Variants in KIAA0753 observed in about 807,000 individuals in gnomAD.
KIAA0753 encodes the protein protein moonraker.
In KIAA0753, 114 loss-of-function variants were observed where a neutral mutation model predicts 116.9. The ratio of observed to expected loss-of-function variants is 0.98; its 90% CI spans 0.84 to 1.14. KIAA0753 has a LOEUF of 1.14. KIAA0753 is among the 50% of genes most tolerant of loss of function. KIAA0753 has a pLI of 0.00. For missense variants in KIAA0753, 1,156 were observed against 1,172.4 expected, an observed-to-expected ratio of 0.99 and a Z score of 0.20; for synonymous variants, 405 against 413.1, an observed-to-expected ratio of 0.98 and a Z score of 0.24.
chr17:6,619,017 T>A (rs1971118506), intron 7 of KIAA0753, among the ~76,000 whole-genome samples: 1 of 152,056 alleles, frequency 6.6e-6, no homozygotes, highest in African/African-American at 2.4e-5. Context: ...TCACTTGAGG[T>A]CAGGAGTTCA....
intron 18 of KIAA0753, among the ~76,000 whole-genome samples, chr17:6,582,227 C>T (rs1444832333): frequency 6.6e-6 from 1 of 152,158 alleles, no homozygotes; most frequent in East Asian, 1.9e-4. Context: ...AAGAAACCTA[C>T]AAACTAGAAT....
Position 6,579,694 on chromosome 17 carries a change from G to C in KIAA0753, c.*53C>G, listed in dbSNP as rs1044861455. 7 of 1,261,776 alleles carry C rather than the reference G, an allele frequency of 5.5e-6. No individual in the cohort carries two copies. The highest frequency in any genetic ancestry group is 8.1e-6 in the Non-Finnish European group (7 of 864,518). 78.2% of individuals were successfully genotyped at this position (1,261,776 alleles called of 1,614,324 possible). ...AATTTCCTGTGGGCCAAAACAAAGG[G>C]TGGTGCCATCCCTTCTCCAGTGTGA... On this transcript the variant is annotated 3_prime_UTR_variant, in exon 19 of 19. Transcript: ENST00000361413.
rs199627553 is a variant in KIAA0753, at chr17:6,589,800, T to C, written c.2765A>G (p.Asn922Ser). The change falls in exon 18 of 19, where the codon AAC (asparagine) becomes AGC (serine). Residue 922 changes from asparagine (N) to serine (S), a missense_variant. Coordinates refer to ENST00000361413, the MANE Select transcript of KIAA0753 (RefSeq NM_014804.3). ...IISHEAVGSF[N>S]PWLIAESFSE... ...TGACCTTTCAGCTATCAGCCACGGG[T>C]TGAAGGAGCCTACAGCCTCATGAGA... is the stretch of plus-strand genomic sequence containing the variant. 5.3e-5 allele frequency: 85 copies of C among 1,610,488 alleles called. No individual in the cohort carries two copies. In the African/African-American group the frequency reaches 7.2e-4, roughly 14 times the overall value.
At chr17:6,609,490 C>T (rs986293059) in intron 9 of KIAA0753, among the ~76,000 whole-genome samples, 1 of 152,176 alleles carries the variant, frequency 6.6e-6, no homozygotes, top group African/African-American at 2.4e-5. Context: ...CAACATTATC[C>T]TAATTGCTCC....
intron 12 of KIAA0753, among the ~76,000 whole-genome samples, chr17:6,603,183 C>T (rs530696862): frequency 6.6e-6 from 1 of 151,884 alleles, no homozygotes; most frequent in South Asian, 2.1e-4. Context: ...TAGGAAAAAA[C>T]AGATAAGAAA....
chr17:6,616,272 T>C (rs1215851052), intron 7 of KIAA0753, among the ~76,000 whole-genome samples: 1 of 152,220 alleles, frequency 6.6e-6, no homozygotes, highest in Non-Finnish European at 1.5e-5. Flanking sequence ...TCCCCATAAA[T>C]ACATTTTCCA....
intron 15 of KIAA0753, among the ~76,000 whole-genome samples, chr17:6,595,819 A>T (rs1156234359): frequency 6.6e-6 from 1 of 152,228 alleles, no homozygotes; most frequent in East Asian, 1.9e-4. Flanking sequence ...AAGCTGACAG[A>T]TGCAAAAGCC....
At chr17:6,636,498 C>CTA (rs1203313156) in intron 1 of KIAA0753, 1 of 152,164 alleles carries the variant, frequency 6.6e-6, no homozygotes, top group East Asian at 1.9e-4. Context: ...TCAAGTGATG[C>CTA]TACACACACA....
At chr17:6,595,795 T>A (rs1969425497) in intron 15 of KIAA0753, among the ~76,000 whole-genome samples, 1 of 152,198 alleles carries the variant, frequency 6.6e-6, no homozygotes, top group Non-Finnish European at 1.5e-5. Context: ...AGGAGGCAAC[T>A]GAACAGTACG....
chr17:6,615,466 TTAA>T (rs1158107357), intron 7 of KIAA0753, among the ~76,000 whole-genome samples: 1 of 151,976 alleles, frequency 6.6e-6, no homozygotes, highest in Non-Finnish European at 1.5e-5. Flanking sequence ...AGTGCTCCAC[TTAA>T]TAAGGCATGT....
At chr17:6,597,159 T>TA (rs1472285868) in intron 14 of KIAA0753, among the ~76,000 whole-genome samples, 1 of 152,192 alleles carries the variant, frequency 6.6e-6, no homozygotes, top group Non-Finnish European at 1.5e-5. Context: ...CTGAGACACT[T>TA]AGCATAGTGC....
intron 1 of KIAA0753, chr17:6,637,442 C>T (rs1431070840): frequency 6.6e-6 from 1 of 152,438 alleles, no homozygotes. Flanking sequence ...TCCCCAGAGC[C>T]CGTATCCCCT....
At chr17:6,583,812 T>C (rs1968373649) in intron 18 of KIAA0753, among the ~76,000 whole-genome samples, 1 of 152,250 alleles carries the variant, frequency 6.6e-6, no homozygotes, top group South Asian at 2.1e-4. Context: ...AATGTTTGTA[T>C]CTGCCGTAGG....
intron 16 of KIAA0753, among the ~76,000 whole-genome samples, chr17:6,592,819 C>G (rs1406438864): frequency 6.6e-6 from 1 of 151,870 alleles, no homozygotes; most frequent in East Asian, 1.9e-4. Context: ...TAGACTTTAT[C>G]AAAATTAAAA....
At chr17:6,610,682 G>C (rs1970483265) in intron 8 of KIAA0753, among the ~76,000 whole-genome samples, 1 of 151,444 alleles carries the variant, frequency 6.6e-6, no homozygotes, top group Non-Finnish European at 1.5e-5. Context: ...TACCATGCCT[G>C]GCTAATTTTT....
rs913729939 is a variant in KIAA0753, at chr17:6,609,994, C to A, written c.1712G>T (p.Cys571Phe). ...NPTSPPASPK[C>F]AAWLKVKTSP... ...AACGGTCCCTTGAGTTTTCACATAC[C>A]ATTTAGGAGACGCTGGTGGGGATGT... Residue 571 changes from cysteine to phenylalanine, a missense_variant and splice_region_variant, in exon 9 of 19, where the codon TGT becomes TTT. Coordinates refer to ENST00000361413, the MANE Select transcript of KIAA0753 (RefSeq NM_014804.3). 6.8e-6 allele frequency: 11 copies of A among 1,613,792 alleles called. No homozygotes were observed. Among genetic ancestry groups the A allele is most frequent in the Non-Finnish European group, 9.3e-6 (11 of 1,179,894 alleles).
At chr17:6,584,601 T>C (rs900256386) in intron 18 of KIAA0753, among the ~76,000 whole-genome samples, 1 of 152,170 alleles carries the variant, frequency 6.6e-6, no homozygotes, top group South Asian at 2.1e-4. Flanking sequence ...TTTCCCCTTG[T>C]GGAACCATCC....
intron 7 of KIAA0753, among the ~76,000 whole-genome samples, chr17:6,614,748 G>A: frequency 6.6e-6 from 1 of 152,248 alleles, no homozygotes; most frequent in South Asian, 2.1e-4. Context: ...CTCCTCATCA[G>A]CCCTGGGTCC....
chr17:6,599,316 ACT>A lies in KIAA0753; in HGVS notation c.2091_2092del (p.Arg697SerfsTer32). Reference sequence around the variant, plus strand: ...AATATTTGCTTCTGTAGTAGAATTGACTCTCTATTAAAACAGACAAATACATT... The same window carrying A: ...AATATTTGCTTCTGTAGTAGAATTGACTCTATTAAAACAGACAAATACATT... On this transcript the variant is annotated frameshift_variant and splice_region_variant, in exon 14 of 19. Transcript: ENST00000361413. LOFTEE classifies it high-confidence loss of function. The A allele has an allele frequency of 6.2e-7, 1 of 1,607,706 alleles. No individual in the cohort carries two copies. Among genetic ancestry groups the A allele is most frequent in the Non-Finnish European group, 8.5e-7 (1 of 1,174,368 alleles).
Sources: gnomAD v4.1 joint callset for allele counts (sites outside exome capture counted in the v4.1 genomes callset) on GRCh38, gnomAD v4.1.1 for gene constraint, MANE v1.5 for transcripts, NCBI Gene and HGNC (gene_info 2026-07-23, HGNC 2026-07-21) for gene names.